Variants in ZNF774 observed in about 807,000 individuals in gnomAD.
The protein encoded by ZNF774 is zinc finger protein 774.
Under a neutral mutation model 11.1 loss-of-function variants are expected in ZNF774, and 14 were observed. The ratio of observed to expected loss-of-function variants is 1.26; its 90% CI spans 0.83 to 1.97. The LOEUF is 1.97. Among genes scored for constraint, ZNF774 ranks in the 30% most tolerant of loss-of-function variants. ZNF774 has a pLI of 0.00. For missense variants in ZNF774, 599 were observed against 587.0 expected, an observed-to-expected ratio of 1.02 and a Z score of -0.21; for synonymous variants, 195 against 212.6, an observed-to-expected ratio of 0.92 and a Z score of 0.72.
At chr15:90,359,886 A>G (rs1964301313) in intron 3 of ZNF774, among the ~76,000 whole-genome samples, 157 bp from the exon 4 acceptor site, 1 of 152,258 alleles carries the variant, frequency 6.6e-6, no homozygotes, top group South Asian at 2.1e-4. Context: ...TGACAGCTCA[A>G]TGAACCTCAA....
intron 3 of ZNF774, among the ~76,000 whole-genome samples, chr15:90,359,399 T>G (rs554365117): frequency 1.3e-5 from 2 of 151,610 alleles, no homozygotes; most frequent in Non-Finnish European, 2.9e-5. Context: ...TTTGACTTAA[T>G]GGTCAGTAGT....
chr15:90,356,034 AAAAAAATAAAT>A (rs1567100675), intron 2 of ZNF774, among the ~76,000 whole-genome samples: 2 of 135,952 alleles, frequency 1.5e-5, no homozygotes, highest in Non-Finnish European at 3.2e-5. Context: ...TCTCAAAAAA[AAAAAAATAAAT>A]AAAAAAAACC....
chr15:90,360,962 C>A lies in ZNF774; in HGVS notation c.1131C>A (p.Cys377Ter), dbSNP rs747821692. 1.9e-6 allele frequency: 3 copies of A among 1,614,118 alleles called. No homozygotes were observed. The highest frequency in any genetic ancestry group is 2.2e-5 in the South Asian group (2 of 91,078). The change falls in exon 4 of 4, where the codon TGC becomes TGA. Residue 377 changes from cysteine to a stop codon, truncating the protein, a stop_gained. Transcript: ENST00000354377. LOFTEE classifies it low-confidence loss of function (END_TRUNC). ...ACACAGGTGAGAGACCTTTTAAGTG[C>A]GAAAACTGTGGGAAAGGATTCGCCG... The part of the protein sequence containing the change: ...RTHTGERPFK[C>*]ENCGKGFADS...
Position 90,358,946 on chromosome 15 carries a change from A to G in ZNF774, c.200A>G (p.Glu67Gly), listed in dbSNP as rs753023864. The change falls in exon 3 of 4, where the codon GAA becomes GGA. Residue 67 changes from glutamate (E) to glycine (G), a missense_variant. Transcript: ENST00000354377. The stretch of plus-strand genomic sequence containing the variant: ...TTTGAGGCGAGGAAGATCCCGAGGG[A>G]AAGCCACACAGGTGAGATGTGAGTG... Reference protein sequence around the residue: ...QNFEARKIPRESHTDCEHQVA... With the variant: ...QNFEARKIPRGSHTDCEHQVA... 1.2e-6 allele frequency: 2 copies of G among 1,613,450 alleles called. No homozygotes were observed. Among genetic ancestry groups the G allele is most frequent in the Admixed American group, 3.3e-5 (2 of 60,002 alleles).
At chr15:90,353,436 G>A (rs1458108317) in intron 1 of ZNF774, among the ~76,000 whole-genome samples, 1 of 147,042 alleles carries the variant, frequency 6.8e-6, no homozygotes, top group Non-Finnish European at 1.5e-5. Flanking sequence ...GTGTGTGTGT[G>A]TGTGTGTGTG....
At position 90,358,862 on chromosome 15, in the gene ZNF774, C is replaced by G; in HGVS notation, c.116C>G (p.Pro39Arg). 1 of 1,612,850 alleles carries G rather than the reference C, an allele frequency of 6.2e-7. No homozygotes were observed. The highest frequency in any genetic ancestry group is 8.5e-7 in the Non-Finnish European group (1 of 1,179,274). The change falls in exon 3 of 4, where the codon CCT becomes CGT. Residue 39 changes from proline to arginine, a missense_variant. Physicochemically the swap from Pro to Arg is moderately radical, Grantham distance 103. Coordinates refer to ENST00000354377, the MANE Select transcript of ZNF774 (RefSeq NM_001004309.3). ...ACATTCCTGTGTAGAATTTCCAGGCCTAGTGTAATCTCCCAGCCGGAGCAG... is the reference window on the plus strand; with the variant it reads ...ACATTCCTGTGTAGAATTTCCAGGCGTAGTGTAATCTCCCAGCCGGAGCAG... ...EEWALKGISRPSVISQPEQKE... is the reference protein window; with the variant it reads ...EEWALKGISRRSVISQPEQKE...
At chr15:90,356,043 A>C (rs1257080963) in intron 2 of ZNF774, among the ~76,000 whole-genome samples, 1 of 106,076 alleles carries the variant, frequency 9.4e-6, no homozygotes, top group Non-Finnish European at 2.3e-5. Flanking sequence ...AAAAAAAATA[A>C]ATAAAAAAAA....
chr15:90,353,649 G>A (rs116975904), intron 1 of ZNF774, among the ~76,000 whole-genome samples: 1,666 of 151,342 alleles, frequency 0.011, 39 homozygotes, highest in East Asian at 0.097. Flanking sequence ...AGGCTGGGGT[G>A]CAGTGGCGCC....
rs1339347332 is a variant in ZNF774, at chr15:90,361,254, T to C, written c.1423T>C (p.Leu475=). ...GAGCTTCCGTCAGAAAGCGCATCTT[T>C]TATGCCATCAAAACACCCATTTGAT... is the stretch of plus-strand genomic sequence containing the variant. The part of the protein sequence containing the change: ...NKSFRQKAHL[L]CHQNTHLI Residue 475 remains leucine, a synonymous_variant, in exon 4 of 4, where the codon TTA becomes CTA. Coordinates refer to ENST00000354377, the MANE Select transcript of ZNF774 (RefSeq NM_001004309.3). 1.9e-6 allele frequency: 3 copies of C among 1,607,944 alleles called. No individual in the cohort carries two copies. The highest frequency in any genetic ancestry group is 1.3e-5 in the African/African-American group (1 of 74,558).
At chr15:90,356,096 C>A (rs1392062680) in intron 2 of ZNF774, among the ~76,000 whole-genome samples, 1 of 149,478 alleles carries the variant, frequency 6.7e-6, no homozygotes, top group Non-Finnish European at 1.5e-5. Context: ...TCATGGCTAC[C>A]CTTCCTCCTG....
chr15:90,353,281 T>C (rs1385865114), intron 1 of ZNF774, among the ~76,000 whole-genome samples: 2 of 152,190 alleles, frequency 1.3e-5, no homozygotes, highest in Non-Finnish European at 2.9e-5. Context: ...CTGAAAACTC[T>C]TATTACAATT....
chr15:90,352,908 C>G (rs975667908), intron 1 of ZNF774, among the ~76,000 whole-genome samples: 2 of 152,080 alleles, frequency 1.3e-5, no homozygotes, highest in African/African-American at 2.4e-5. Flanking sequence ...GGCGCTGTCT[C>G]CAGCAAGTGG....
chr15:90,357,371 G>A (rs1964262687), intron 2 of ZNF774, among the ~76,000 whole-genome samples: 1 of 151,946 alleles, frequency 6.6e-6, no homozygotes, highest in African/African-American at 2.4e-5. Flanking sequence ...AGGTGTAGGG[G>A]CTTGTGCCTC....
At position 90,360,867 on chromosome 15, in the gene ZNF774, C is replaced by T. The variant is rs559053912; in HGVS notation, c.1036C>T (p.Pro346Ser). ...CATGAGCACTCATTCAGGAGAGAGG[C>T]CTTTCAGTTGTCCTGACTGCCACAA... is the stretch of plus-strand genomic sequence containing the variant. ...AHMSTHSGER[P>S]FSCPDCHKSF... The change falls in exon 4 of 4, where the codon CCT (proline) becomes TCT (serine). Residue 346 changes from proline (P) to serine (S), a missense_variant. Physicochemically the swap from Pro to Ser is moderately conservative, Grantham distance 74. Transcript: ENST00000354377. The T allele has an allele frequency of 7.4e-6, 12 of 1,613,996 alleles. No individual in the cohort carries two copies. The highest frequency in any genetic ancestry group is 1.0e-5 in the Non-Finnish European group (12 of 1,180,030).
rs182600540 is a variant in ZNF774, at chr15:90,353,423, A to G, written c.-20+1012A>G. On this transcript the variant is annotated intron_variant, in intron 1 of 3. Transcript: ENST00000354377. ...TGTAAATACAAAAATATTTCCCCCA[A>G]AAGTGTGTGTGTGTGTGTGTGTGTG... Among the ~76,000 whole-genome samples, 675 of 124,552 alleles carry G rather than the reference A, an allele frequency of 5.4e-3. 4 individuals carry two copies. The highest frequency in any genetic ancestry group is 0.022 in the African/African-American group (654 of 29,672). 81.7% of individuals were successfully genotyped at this position (124,552 alleles called of 152,430 possible).
Position 90,360,981 on chromosome 15 carries a change from T to C in ZNF774, c.1150T>C (p.Phe384Leu). The C allele has an allele frequency of 6.2e-7, 1 of 1,614,188 alleles. No homozygotes were observed. The highest frequency in any genetic ancestry group is 8.5e-7 in the Non-Finnish European group (1 of 1,180,038). Residue 384 changes from phenylalanine to leucine, a missense_variant, in exon 4 of 4, where the codon TTC (phenylalanine) becomes CTC (leucine). Coordinates refer to ENST00000354377, the MANE Select transcript of ZNF774 (RefSeq NM_001004309.3). ...PFKCENCGKG[F>L]ADSSALIKHQ... Reference sequence around the variant, plus strand: ...TAAGTGCGAAAACTGTGGGAAAGGATTCGCCGACAGCTCCGCCCTCATTAA... The same window carrying C: ...TAAGTGCGAAAACTGTGGGAAAGGACTCGCCGACAGCTCCGCCCTCATTAA...
chr15:90,354,768 A>G lies in ZNF774; in HGVS notation c.104+4A>G, dbSNP rs1477167096. 6.3e-7 allele frequency: 1 copy of G among 1,596,414 alleles called. No homozygotes were observed. Among genetic ancestry groups the G allele is most frequent in the Non-Finnish European group, 8.6e-7 (1 of 1,165,792 alleles). On this transcript the variant is annotated splice_donor_region_variant and intron_variant, in intron 2 of 3. Coordinates refer to ENST00000354377, the MANE Select transcript of ZNF774 (RefSeq NM_001004309.3). ...TAGAAGAATGGGCTCTCAAAGGGTA[A>G]GAATGCTACTCTCCTTTATTTCATT...
At chr15:90,352,796 C>G (rs1158080292) in intron 1 of ZNF774, among the ~76,000 whole-genome samples, 1 of 151,894 alleles carries the variant, frequency 6.6e-6, no homozygotes, top group Non-Finnish European at 1.5e-5. Context: ...GTCACAGCCC[C>G]TCAGCGCTGT....
chr15:90,356,440 G>A (rs746005540), intron 2 of ZNF774, among the ~76,000 whole-genome samples: 37 of 151,996 alleles, frequency 2.4e-4, no homozygotes, highest in African/African-American at 8.5e-4. Context: ...CAAGTGATCC[G>A]CTGGCCTTGG....
Sources: allele counts gnomAD v4.1 joint callset (sites outside exome capture counted in the v4.1 genomes callset), GRCh38; gene constraint gnomAD v4.1.1; transcripts MANE v1.5; gene names NCBI Gene and HGNC (gene_info 2026-07-23, HGNC 2026-07-21).